Variants in CTNNA3 observed in about 807,000 individuals in gnomAD.
CTNNA3 encodes catenin alpha-3.
A neutral mutation model predicts 95.7 loss-of-function variants in CTNNA3; 76 were observed. That is an observed-to-expected ratio of 0.79 (90% CI 0.66 to 0.96). The LOEUF is 0.96. CTNNA3 is among the 40% of genes least tolerant of loss of function. The pLI is 0.00. For synonymous variants in CTNNA3, 431 were observed against 374.4 expected (o/e 1.15, Z -1.74); for missense variants, 1,191 against 1,089.8 (o/e 1.09, Z -1.31).
At chr10:67,259,195 C>T (rs1002103195) in intron 5 of CTNNA3, among the ~76,000 whole-genome samples, 1 of 152,134 alleles carries the variant, frequency 6.6e-6, no homozygotes, top group African/African-American at 2.4e-5. Flanking sequence ...CTACTTACTA[C>T]TACAACACAA....
chr10:66,922,944 C>T (rs1846865519), intron 7 of CTNNA3, among the ~76,000 whole-genome samples: 1 of 152,080 alleles, frequency 6.6e-6, no homozygotes, highest in African/African-American at 2.4e-5. Flanking sequence ...AGCATTTACG[C>T]TTTGTATAAA....
intron 3 of CTNNA3, among the ~76,000 whole-genome samples, chr10:67,577,635 T>C (rs1327039994): frequency 6.6e-6 from 1 of 151,952 alleles, no homozygotes; most frequent in African/African-American, 2.4e-5. Context: ...AGGTTTTGTA[T>C]ATATATGTAT....
chr10:66,386,486 G>A (rs1449112923), intron 11 of CTNNA3, among the ~76,000 whole-genome samples: 1 of 152,136 alleles, frequency 6.6e-6, no homozygotes, highest in Non-Finnish European at 1.5e-5. Flanking sequence ...CTCATGGATA[G>A]GAAGAATCAA....
At chr10:66,804,597 T>A (rs865801037) in intron 7 of CTNNA3, among the ~76,000 whole-genome samples, 1 of 152,088 alleles carries the variant, frequency 6.6e-6, no homozygotes. Flanking sequence ...AAAATACTAG[T>A]TGGAGAATAT....
At chr10:66,799,431 A>C (rs1841342457) in intron 7 of CTNNA3, among the ~76,000 whole-genome samples, 1 of 151,646 alleles carries the variant, frequency 6.6e-6, no homozygotes. Context: ...TATGAGATAG[A>C]TATTTTAAAA....
chr10:67,116,166 C>A (rs1859177701), intron 7 of CTNNA3, among the ~76,000 whole-genome samples: 1 of 151,834 alleles, frequency 6.6e-6, no homozygotes, highest in Non-Finnish European at 1.5e-5. Flanking sequence ...TCTTAAATTA[C>A]AGCATTTGAA....
At chr10:67,255,148 A>G (rs895237342) in intron 5 of CTNNA3, among the ~76,000 whole-genome samples, 4 of 152,112 alleles carry the variant, frequency 2.6e-5, no homozygotes, top group African/African-American at 9.7e-5. Flanking sequence ...ATACAAAATT[A>G]GCCAGGCATG....
intron 9 of CTNNA3, among the ~76,000 whole-genome samples, chr10:66,728,842 C>T (rs1393094081): frequency 2.0e-5 from 3 of 152,124 alleles, no homozygotes; most frequent in African/African-American, 7.2e-5. Flanking sequence ...CCCACCTGGG[C>T]CTCCCAAAAT....
chr10:66,286,595 C>T (rs2132177298), intron 12 of CTNNA3, among the ~76,000 whole-genome samples: 1 of 152,042 alleles, frequency 6.6e-6, no homozygotes, highest in African/African-American at 2.4e-5. Context: ...AGAGGGTATC[C>T]TGAACTAGAG....
intron 7 of CTNNA3, among the ~76,000 whole-genome samples, chr10:66,797,485 C>T (rs1200615155): frequency 6.6e-6 from 1 of 151,484 alleles, no homozygotes; most frequent in Non-Finnish European, 1.5e-5. Flanking sequence ...AAACTAAGTG[C>T]TTTCCAATGG....
At chr10:66,294,201 C>T (rs1157230942) in intron 12 of CTNNA3, among the ~76,000 whole-genome samples, 1 of 152,104 alleles carries the variant, frequency 6.6e-6, no homozygotes, top group East Asian at 1.9e-4. Context: ...TTTCTAAAGC[C>T]TATTTCCTTG....
chr10:66,466,787 A>T (rs528501896), intron 11 of CTNNA3, among the ~76,000 whole-genome samples: 1 of 152,252 alleles, frequency 6.6e-6, no homozygotes, highest in Non-Finnish European at 1.5e-5. Flanking sequence ...AGACCTACTG[A>T]ATCAAAATCT....
intron 3 of CTNNA3, among the ~76,000 whole-genome samples, chr10:67,586,548 T>C (rs12413924): frequency 0.1 from 15,628 of 152,124 alleles, 1,593 homozygotes; most frequent in African/African-American, 0.26. Flanking sequence ...GATCCCTCTA[T>C]CATTATATAA....
At chr10:67,259,666 G>A (rs1385940303) in intron 5 of CTNNA3, among the ~76,000 whole-genome samples, 3 of 152,040 alleles carry the variant, frequency 2.0e-5, no homozygotes, top group Admixed American at 1.3e-4. Flanking sequence ...CTATTTTTGC[G>A]CCACTTTATG....
At chr10:67,222,134 T>TA (rs1864690109) in intron 5 of CTNNA3, among the ~76,000 whole-genome samples, 1 of 152,214 alleles carries the variant, frequency 6.6e-6, no homozygotes, top group African/African-American at 2.4e-5. Flanking sequence ...CTTGTGCTAC[T>TA]ATATTTTTAG....
At chr10:67,536,238 T>TATTA (rs1840482767) in intron 4 of CTNNA3, among the ~76,000 whole-genome samples, 1 of 152,120 alleles carries the variant, frequency 6.6e-6, no homozygotes, top group Non-Finnish European at 1.5e-5. Flanking sequence ...CTAAGAGTAA[T>TATTA]CATCAGTTAT....
intron 12 of CTNNA3, among the ~76,000 whole-genome samples, chr10:66,353,215 T>C (rs1240569699): frequency 6.6e-6 from 1 of 152,150 alleles, no homozygotes; most frequent in African/African-American, 2.4e-5. Flanking sequence ...GAACAAAATC[T>C]ATTAAAATAG....
chr10:66,221,394 C>T (rs181196308), intron 13 of CTNNA3, among the ~76,000 whole-genome samples: 29 of 152,284 alleles, frequency 1.9e-4, no homozygotes, highest in African/African-American at 7.0e-4. Context: ...GTCATGTTAG[C>T]AGAAGCCAGT....
chr10:66,967,776 T>C (rs763623784), intron 7 of CTNNA3, among the ~76,000 whole-genome samples: 32 of 152,082 alleles, frequency 2.1e-4, no homozygotes, highest in Non-Finnish European at 4.1e-4. Flanking sequence ...GTTTAGTAGA[T>C]TTAAATTATC....
Sources: gnomAD v4.1 joint callset for allele counts (sites outside exome capture counted in the v4.1 genomes callset) on GRCh38, gnomAD v4.1.1 for gene constraint, MANE v1.5 for transcripts, NCBI Gene and HGNC (gene_info 2026-07-23, HGNC 2026-07-21) for gene names.